UNC5D: variants seen among roughly 807,000 people sequenced by gnomAD.
UNC5D encodes the protein netrin receptor UNC5D.
Under a neutral mutation model 105.4 loss-of-function variants are expected in UNC5D, and 39 were observed. The ratio of observed to expected loss-of-function variants is 0.37; its 90% CI spans 0.29 to 0.48. The LOEUF (loss-of-function observed/expected upper bound fraction) is 0.48. UNC5D is among the 20% of genes least tolerant of loss of function. The pLI is 0.98. For missense variants in UNC5D, 991 were observed against 1,202.4 expected (o/e 0.82, Z 2.60); for synonymous variants, 452 against 450.4 (o/e 1.00, Z -0.04).
chr8:35,330,655 A>C (rs1446322771), intron 1 of UNC5D, among the ~76,000 whole-genome samples: 2 of 152,164 alleles, frequency 1.3e-5, no homozygotes, highest in Non-Finnish European at 2.9e-5. Flanking sequence ...TAGGCTTCTA[A>C]CCTTGAGTTT....
chr8:35,598,427 A>G (rs182240346), intron 4 of UNC5D, among the ~76,000 whole-genome samples: 4 of 152,294 alleles, frequency 2.6e-5, no homozygotes, highest in Non-Finnish European at 4.4e-5. Context: ...GGAGAAAAGG[A>G]AACCACTGCA....
chr8:35,648,982 A>T (rs750577319), intron 4 of UNC5D, among the ~76,000 whole-genome samples: 2 of 152,180 alleles, frequency 1.3e-5, no homozygotes, highest in African/African-American at 2.4e-5. Flanking sequence ...CTAGTAAGGC[A>T]ATACAATGTC....
At chr8:35,571,226 G>T (rs1817697751) in intron 3 of UNC5D, among the ~76,000 whole-genome samples, 1 of 152,088 alleles carries the variant, frequency 6.6e-6, no homozygotes. Context: ...CTCCCAAGTT[G>T]TTTTAGAGAT....
chr8:35,742,794 T>G (rs1563725543), intron 11 of UNC5D, among the ~76,000 whole-genome samples: 1 of 152,182 alleles, frequency 6.6e-6, no homozygotes, highest in Non-Finnish European at 1.5e-5. Flanking sequence ...GCCTCGTAGC[T>G]GACCTTCAAC....
intron 1 of UNC5D, among the ~76,000 whole-genome samples, chr8:35,434,145 G>A (rs371164115): frequency 6.6e-6 from 1 of 151,980 alleles, no homozygotes; most frequent in African/African-American, 2.4e-5. Flanking sequence ...AAGCTTAATT[G>A]AAAAACCTGG....
At chr8:35,258,356 C>T (rs1804224569) in intron 1 of UNC5D, among the ~76,000 whole-genome samples, 1 of 152,174 alleles carries the variant, frequency 6.6e-6, no homozygotes, top group African/African-American at 2.4e-5. Context: ...TTTAGAGAGA[C>T]ACAAACATTC....
rs770878774 is a variant in UNC5D at position 35,321,015 on chromosome 8, G to C, written c.103+85128G>C. Among the ~76,000 whole-genome samples, 114 of 152,042 alleles carry C rather than the reference G, an allele frequency of 7.5e-4. 3 individuals are homozygous for C. The highest frequency in any genetic ancestry group is 2.2e-4 in the Non-Finnish European group (15 of 68,018). On this transcript the variant is annotated intron_variant, in intron 1 of 16. Transcript: ENST00000404895. ...TTGGGTATCTCCTTTGTTCTCTGGA[G>C]CATTCCATAAGGCAGCTTAGAAGTG... is the stretch of plus-strand genomic sequence containing the variant.
At chr8:35,312,161 G>A (rs1373353201) in intron 1 of UNC5D, among the ~76,000 whole-genome samples, 2 of 152,082 alleles carry the variant, frequency 1.3e-5, no homozygotes, top group African/African-American at 2.4e-5. Context: ...ATAAATCATT[G>A]TGATGCCTCC....
At chr8:35,560,059 A>G (rs1442282726) in intron 2 of UNC5D, among the ~76,000 whole-genome samples, 3 of 152,262 alleles carry the variant, frequency 2.0e-5, no homozygotes, top group Non-Finnish European at 4.4e-5. Flanking sequence ...TTAGCATATC[A>G]GTACCATAGT....
Position 35,275,026 on chromosome 8 carries a change from G to A in UNC5D, c.103+39139G>A, listed in dbSNP as rs1278092068. On this transcript the variant is annotated intron_variant, in intron 1 of 16. Transcript: ENST00000404895. The stretch of plus-strand genomic sequence containing the variant: ...GAATTGCTTGAACCTGGGAGGTGGA[G>A]GTTGTAGTGAGCCAAGATCGCACCA... Among the ~76,000 whole-genome samples, 5 of 151,956 alleles carry A rather than the reference G, an allele frequency of 3.3e-5. 1 individual carries two copies. Among genetic ancestry groups the A allele is most frequent in the Non-Finnish European group, 1.5e-5 (1 of 67,976 alleles).
chr8:35,239,237 A>G (rs1044746104), intron 1 of UNC5D, among the ~76,000 whole-genome samples: 1 of 152,174 alleles, frequency 6.6e-6, no homozygotes, highest in African/African-American at 2.4e-5. Context: ...AGTACCTCAC[A>G]GGGGAGGGAA....
intron 1 of UNC5D, among the ~76,000 whole-genome samples, chr8:35,349,126 GAA>G (rs1173852312): frequency 6.6e-6 from 1 of 151,858 alleles, no homozygotes; most frequent in East Asian, 1.9e-4. Flanking sequence ...AGTATGTGAA[GAA>G]AATCTGGCCC....
intron 7 of UNC5D, among the ~76,000 whole-genome samples, chr8:35,699,774 T>C (rs991265896): frequency 6.6e-5 from 10 of 152,140 alleles, no homozygotes; most frequent in African/African-American, 2.2e-4. Context: ...AACCTAGTAC[T>C]AAGTGGGATA....
intron 7 of UNC5D, among the ~76,000 whole-genome samples, chr8:35,701,396 G>T (rs1337819382): frequency 6.6e-6 from 1 of 152,136 alleles, no homozygotes; most frequent in Non-Finnish European, 1.5e-5. Context: ...TTCCCCCAGG[G>T]CCTACTCTCT....
chr8:35,315,846 A>G (rs1585566169), intron 1 of UNC5D, among the ~76,000 whole-genome samples: 1 of 152,208 alleles, frequency 6.6e-6, no homozygotes, highest in African/African-American at 2.4e-5. Flanking sequence ...GCAGATTCTT[A>G]CCCATTGTGC....
chr8:35,708,624 C>T lies in UNC5D; in HGVS notation c.1117+2663C>T, dbSNP rs370184146. ...AGACTCCTTGGAGGCTTGGAGAATA[C>T]CTTTTTCTGAAAGGCTGTGAGCTTC... On this transcript the variant is annotated intron_variant, in intron 8 of 16. Coordinates refer to ENST00000404895, the MANE Select transcript of UNC5D (RefSeq NM_080872.4). Among the ~76,000 whole-genome samples, 9 of 152,216 alleles carry T rather than the reference C, an allele frequency of 5.9e-5. 1 individual carries two copies. Among genetic ancestry groups the T allele is most frequent in the African/African-American group, 2.2e-4 (9 of 41,534 alleles).
intron 1 of UNC5D, among the ~76,000 whole-genome samples, chr8:35,344,019 G>A (rs1811635068): frequency 1.3e-5 from 2 of 152,094 alleles, no homozygotes; most frequent in Non-Finnish European, 2.9e-5. Flanking sequence ...GCTGTGACTA[G>A]TGTCACCTGG....
At chr8:35,338,674 C>A (rs918643647) in intron 1 of UNC5D, among the ~76,000 whole-genome samples, 2 of 152,156 alleles carry the variant, frequency 1.3e-5, no homozygotes, top group African/African-American at 4.8e-5. Context: ...CTTCACTGTG[C>A]TTTTCTTCCT....
At position 35,538,375 on chromosome 8, in the gene UNC5D, C is replaced by T. The variant is rs183598300; in HGVS notation, c.104-10917C>T. Among the ~76,000 whole-genome samples, 793 of 122,026 alleles carry T rather than the reference C, an allele frequency of 6.5e-3. 4 individuals carry two copies. The highest frequency in any genetic ancestry group is 9.7e-3 in the Non-Finnish European group (591 of 61,126). 80.1% of individuals were successfully genotyped at this position (122,026 alleles called of 152,430 possible). The stretch of plus-strand genomic sequence containing the variant: ...CCACGTCATGAAAGGCCTGGTCAGT[C>T]GTGATTTAAAAAAAAATAATTATAT... On this transcript the variant is annotated intron_variant, in intron 1 of 16. Coordinates refer to ENST00000404895, the MANE Select transcript of UNC5D (RefSeq NM_080872.4).
Sources: gnomAD v4.1 joint callset for allele counts (sites outside exome capture counted in the v4.1 genomes callset) on GRCh38, gnomAD v4.1.1 for gene constraint, MANE v1.5 for transcripts, NCBI Gene and HGNC (gene_info 2026-07-23, HGNC 2026-07-21) for gene names.